PPP1R1C: variants seen among roughly 807,000 people sequenced by gnomAD.
The protein encoded by PPP1R1C is protein phosphatase 1 regulatory inhibitor subunit 1C, also known as protein phosphatase 1 regulatory subunit 1C.
A neutral mutation model predicts 17.4 loss-of-function variants in PPP1R1C; 15 were observed. The ratio of observed to expected loss-of-function variants is 0.86; its 90% confidence interval spans 0.58 to 1.33. The LOEUF (loss-of-function observed/expected upper bound fraction) is 1.33. Among genes scored for constraint, PPP1R1C ranks in the 40% most tolerant of loss-of-function variants. The pLI, the probability that PPP1R1C is intolerant of heterozygous loss-of-function variation, is 0.00. For missense variants in PPP1R1C, 143 were observed against 130.0 expected (o/e 1.10, Z -0.48); for synonymous variants, 35 against 43.1 (o/e 0.81, Z 0.73).
rs964695191 is a variant in PPP1R1C, at chr2:182,088,074, G to GT, written c.241+24294dup. 3.5e-3 allele frequency among the ~76,000 whole-genome samples: 518 copies of GT among 147,026 alleles called. 3 individuals are homozygous for GT. The highest frequency in any genetic ancestry group is 8.8e-3 in the African/African-American group (357 of 40,364). ...AGATTATTTTTCATAGCTTTCAGTA[G>GT]TTTTTTTTTTTAACTTTCATGGAAG... On this transcript the variant is annotated intron_variant, in intron 4 of 4. Transcript: ENST00000682840.
chr2:182,090,670 C>T (rs543870705), intron 4 of PPP1R1C, among the ~76,000 whole-genome samples: 79 of 152,270 alleles, frequency 5.2e-4, no homozygotes, highest in Middle Eastern at 6.8e-3. Context: ...CCAGCAACGA[C>T]ATTCCAGCAA....
At chr2:182,036,533 AT>A (rs762613762) in intron 2 of PPP1R1C, among the ~76,000 whole-genome samples, 26 of 152,166 alleles carry the variant, frequency 1.7e-4, no homozygotes, top group Non-Finnish European at 3.1e-4. Flanking sequence ...CATAAACATA[AT>A]TTTTAGTATT....
chr2:182,120,702 C>T (rs1231975143), downstream of PPP1R1C, among the ~76,000 whole-genome samples: 3 of 152,138 alleles, frequency 2.0e-5, no homozygotes, highest in Non-Finnish European at 2.9e-5. Context: ...CATTGCCCTT[C>T]CCTTTCCTTG....
chr2:182,039,558 G>T (rs964940157), intron 2 of PPP1R1C, among the ~76,000 whole-genome samples: 1 of 152,048 alleles, frequency 6.6e-6, no homozygotes, highest in East Asian at 1.9e-4. Flanking sequence ...CTAGTTTTTT[G>T]TGTATTTGTA....
intron 2 of PPP1R1C, among the ~76,000 whole-genome samples, chr2:182,034,714 G>A (rs1321954816): frequency 1.3e-5 from 2 of 152,056 alleles, no homozygotes; most frequent in African/African-American, 4.8e-5. Context: ...TCAATAAGTG[G>A]GCAGGCCACA....
intron 4 of PPP1R1C, among the ~76,000 whole-genome samples, chr2:182,078,361 A>G (rs1369177423): frequency 1.3e-5 from 2 of 152,106 alleles, no homozygotes; most frequent in Non-Finnish European, 2.9e-5. Context: ...CAGGCTCTAG[A>G]TAGAGTAGGC....
intron 4 of PPP1R1C, among the ~76,000 whole-genome samples, chr2:182,086,214 G>C (rs1311208487): frequency 1.3e-5 from 2 of 152,062 alleles, no homozygotes; most frequent in Non-Finnish European, 2.9e-5. Context: ...GCTGTCACAA[G>C]TTAAGCTGTC....
chr2:182,058,979 A>AT (rs1267000456), intron 2 of PPP1R1C, among the ~76,000 whole-genome samples: 1 of 152,110 alleles, frequency 6.6e-6, no homozygotes, highest in Non-Finnish European at 1.5e-5. Flanking sequence ...ATGAGATCTC[A>AT]TTGACAAAGA....
intron 2 of PPP1R1C, among the ~76,000 whole-genome samples, chr2:182,041,541 G>A (rs180897086): frequency 4.0e-5 from 6 of 150,844 alleles, no homozygotes; most frequent in South Asian, 4.2e-4. Flanking sequence ...CCCGGGAGGC[G>A]GAGGTTGCAG....
chr2:182,020,344 C>A (rs763915363), intron 2 of PPP1R1C, among the ~76,000 whole-genome samples: 1 of 152,076 alleles, frequency 6.6e-6, no homozygotes, highest in Admixed American at 6.6e-5. Context: ...CATGTTCATG[C>A]GTTCTGGAAT....
chr2:182,051,149 G>T lies in PPP1R1C; in HGVS notation c.143-10293G>T, dbSNP rs541504239. ...GCACTAACTCAACAGAAGAGTAAAAGAAGTGGGGAAAGAATATATGCATGA... is the reference window on the plus strand; with the variant it reads ...GCACTAACTCAACAGAAGAGTAAAATAAGTGGGGAAAGAATATATGCATGA... On this transcript the variant is annotated intron_variant, in intron 2 of 4. Coordinates refer to ENST00000682840, the MANE Select transcript of PPP1R1C (RefSeq NM_001080545.3). 2.6e-5 allele frequency among the ~76,000 whole-genome samples: 4 copies of T among 152,354 alleles called. No homozygotes were observed. The South Asian group carries it at 6.2e-4, about 24-fold the overall frequency.
rs1242226024 is a variant in PPP1R1C at position 181,967,759 on chromosome 2, A to G, written n.112-7460A>G. On this transcript the variant is annotated intron_variant and non_coding_transcript_variant, in intron 1 of 5. Transcript: ENST00000464264. This position sits in a 1 kb window ranked among gnomAD's most constrained non-coding sequence, Gnocchi z 5.5. ...AGATGGAGTTTCACTCTTGTTGCCC[A>G]GGCTGGAGTGCAATGGCACATTCTT... is the stretch of plus-strand genomic sequence containing the variant. Among the ~76,000 whole-genome samples, 1 of 149,558 alleles carries G rather than the reference A, an allele frequency of 6.7e-6. No individual in the cohort carries two copies. Among genetic ancestry groups the G allele is most frequent in the African/African-American group, 2.5e-5 (1 of 40,386 alleles).
intron 4 of PPP1R1C, among the ~76,000 whole-genome samples, chr2:182,069,217 A>C (rs1688072728): frequency 6.6e-6 from 1 of 150,564 alleles, no homozygotes; most frequent in South Asian, 2.1e-4. Flanking sequence ...CTCAAGAAAC[A>C]TTTTGACAGA....
At chr2:182,055,626 G>C (rs534577798) in intron 2 of PPP1R1C, among the ~76,000 whole-genome samples, 1 of 152,222 alleles carries the variant, frequency 6.6e-6, no homozygotes, top group East Asian at 1.9e-4. Context: ...ATTCCTAAAG[G>C]ATGATTTTAC....
At chr2:181,987,754 G>A (rs1314012033) in intron 1 of PPP1R1C, 85 bp from the exon 2 acceptor site, 1 of 1,375,644 alleles carries the variant, frequency 7.3e-7, no homozygotes, top group Non-Finnish European at 1.0e-6. Context: ...GAAAAGATGA[G>A]GGTGAGACAG....
intron 2 of PPP1R1C, among the ~76,000 whole-genome samples, chr2:182,058,715 A>C (rs966856399): frequency 6.6e-6 from 1 of 152,110 alleles, no homozygotes; most frequent in African/African-American, 2.4e-5. Context: ...AAATGGAAGA[A>C]ACAGTATTAG....
intron 2 of PPP1R1C, among the ~76,000 whole-genome samples, chr2:182,045,808 AAATAAG>A (rs1687326157): frequency 6.6e-6 from 1 of 152,148 alleles, no homozygotes; most frequent in South Asian, 2.1e-4. Flanking sequence ...CATAGCTATA[AAATAAG>A]AATATGACTT....
chr2:181,964,159 A>G (rs577300591), intron 1 of PPP1R1C, among the ~76,000 whole-genome samples: 2 of 152,288 alleles, frequency 1.3e-5, no homozygotes, highest in African/African-American at 2.4e-5. Flanking sequence ...CTCTGTTGCC[A>G]TGAGTTCAAT....
chr2:181,958,245 G>A (rs566347354), intron 1 of PPP1R1C, among the ~76,000 whole-genome samples: 362 of 152,308 alleles, frequency 2.4e-3, no homozygotes, highest in African/African-American at 8.4e-3. Flanking sequence ...GCAGGGAGTT[G>A]TGCAAAGGAA....
Sources: gnomAD v4.1 joint callset for allele counts (sites outside exome capture counted in the v4.1 genomes callset) on GRCh38, gnomAD v4.1.1 for gene constraint, Gnocchi (gnomAD v3.1) non-coding constraint, MANE v1.5 for transcripts, NCBI Gene and HGNC (gene_info 2026-07-23, HGNC 2026-07-21) for gene names.